Variants in GAS6 observed in about 807,000 individuals in gnomAD.
GAS6 encodes the protein growth arrest specific 6.
A neutral mutation model predicts 75.8 loss-of-function variants in GAS6; 41 were observed. The observed-to-expected ratio is 0.54, with a 90% CI of 0.42 to 0.70. GAS6 has a LOEUF of 0.70. Ranked by LOEUF, GAS6 falls within the 30% of genes least tolerant of loss-of-function variation. The pLI, the probability that GAS6 is intolerant of heterozygous loss-of-function variation, is 0.00. For synonymous variants in GAS6, 432 were observed against 412.6 expected, an observed-to-expected ratio of 1.05 and a Z score of -0.57; for missense variants, 854 against 940.2, an observed-to-expected ratio of 0.91 and a Z score of 1.20.
chr13:113,852,238 C>T (rs2051881776), intron 2 of GAS6, among the ~76,000 whole-genome samples: 2 of 152,214 alleles, frequency 1.3e-5, no homozygotes, highest in African/African-American at 4.8e-5. Context: ...TTATGTGTGG[C>T]CCAAGACAGT....
chr13:113,842,933 C>T lies in GAS6; in HGVS notation c.344-3083G>A, dbSNP rs371998370. The stretch of plus-strand genomic sequence containing the variant: ...TCCTGCCAGGTGCCCAGCTCTTAAG[C>T]GGTCCCCAGACTCATGCCACCTGCC... On this transcript the variant is annotated intron_variant, in intron 4 of 14. Transcript: ENST00000327773. The T allele has an allele frequency of 4.5e-5, 18 of 396,582 alleles. 3 individuals carry two copies. The highest frequency in any genetic ancestry group is 2.8e-4 in the African/African-American group (13 of 47,106). 24.6% of individuals were successfully genotyped at this position (396,582 alleles called of 1,614,324 possible). A position where few individuals can be genotyped will look rare whatever the true frequency, so the allele number is the denominator to read the frequency against.
intron 9 of GAS6, 54 bp from the exon 10 acceptor site, chr13:113,832,542 C>T: frequency 6.3e-7 from 1 of 1,596,246 alleles, no homozygotes; most frequent in Non-Finnish European, 8.6e-7. Flanking sequence ...GATGCCCGGC[C>T]CCTCCCTGCT....
At chr13:113,847,883 T>C (rs1365221990) in intron 3 of GAS6, 143 bp downstream of exon 3, 2 of 770,094 alleles carry the variant, frequency 2.6e-6, no homozygotes, top group East Asian at 2.5e-5. Flanking sequence ...CTGACCTGCA[T>C]GTTCCGGACA....
At position 113,832,676 on chromosome 13, in the gene GAS6, G is replaced by A; in HGVS notation, c.911C>T (p.Thr304Ile). 2 of 1,612,814 alleles carry A rather than the reference G, an allele frequency of 1.2e-6. No homozygotes were observed. Among genetic ancestry groups the A allele is most frequent in the Non-Finnish European group, 1.7e-6 (2 of 1,179,978 alleles). ...SLYLGRMFSG[T>I]PVIRLRFKRL... ...CTTGAAGCGCAGTCGGATCACGGGGGTCCCACTGAACATCCGGCCCAGGTA... is the reference window on the plus strand; with the variant it reads ...CTTGAAGCGCAGTCGGATCACGGGGATCCCACTGAACATCCGGCCCAGGTA... The change falls in exon 9 of 15, where the codon ACC (threonine) becomes ATC (isoleucine). Residue 304 changes from threonine to isoleucine, a missense_variant. By Grantham distance (89) the Thr-to-Ile change is moderately conservative. Coordinates refer to ENST00000327773, the MANE Select transcript of GAS6 (RefSeq NM_000820.4).
chr13:113,830,873 C>T (rs1247438405), intron 10 of GAS6, among the ~76,000 whole-genome samples: 1 of 152,226 alleles, frequency 6.6e-6, no homozygotes, highest in African/African-American at 2.4e-5. Flanking sequence ...GGGGCTCCAT[C>T]CCTGAAACTG....
chr13:113,856,023 C>A (rs1421787136), intron 2 of GAS6, among the ~76,000 whole-genome samples: 2 of 152,190 alleles, frequency 1.3e-5, no homozygotes, highest in Non-Finnish European at 2.9e-5. Flanking sequence ...CAGGTTGGTG[C>A]CTTCCTCTGG....
intron 3 of GAS6, chr13:113,847,021 A>G (rs1324701733): frequency 3.9e-6 from 2 of 507,966 alleles, no homozygotes; most frequent in South Asian, 1.5e-5. Flanking sequence ...CTGGCTGAAC[A>G]CAGCTTGACA....
chr13:113,860,346 C>T (rs2051961338), intron 2 of GAS6, among the ~76,000 whole-genome samples: 1 of 152,182 alleles, frequency 6.6e-6, no homozygotes, highest in Admixed American at 6.5e-5. Context: ...GGAACCACAG[C>T]CTGGATGATT....
chr13:113,837,927 T>C lies in GAS6; in HGVS notation c.589+142A>G, dbSNP rs1445282949. 2.1e-6 allele frequency: 2 copies of C among 962,344 alleles called. No individual in the cohort carries two copies. The highest frequency in any genetic ancestry group is 2.5e-5 in the East Asian group (1 of 40,108). 59.6% of individuals were successfully genotyped at this position (962,344 alleles called of 1,614,324 possible). A position where few individuals can be genotyped will look rare whatever the true frequency, so the allele number is the denominator to read the frequency against. ...CCCTGTGCTGCGGCTGGCCTGGGCT[T>C]GTGTAGTCTCTGCAGGATGCCCCAT... is the stretch of plus-strand genomic sequence containing the variant. On this transcript the variant is annotated intron_variant, in intron 6 of 14. Coordinates refer to ENST00000327773, the MANE Select transcript of GAS6 (RefSeq NM_000820.4). The surrounding 1 kb of genome is among the most constrained non-coding windows in gnomAD (Gnocchi z 5.1).
At chr13:113,834,461 G>T in intron 8 of GAS6, 90 bp downstream of exon 8, 1 of 1,312,850 alleles carries the variant, frequency 7.6e-7, no homozygotes, top group Non-Finnish European at 1.0e-6. Flanking sequence ...CAAAGGCCAG[G>T]TCTTCACGGA....
rs112823046 is a variant in GAS6 at position 113,844,288 on chromosome 13, C to T, written c.343+2239G>A. The T allele has an allele frequency of 0.015, 2,274 of 150,864 alleles. 95 individuals carry two copies. Among genetic ancestry groups the T allele is most frequent in the South Asian group, 0.1 (485 of 4,816 alleles). The allele number at this position is 150,864 out of a possible 1,614,324, so 9.3% of individuals were successfully genotyped here. A position where few individuals can be genotyped will look rare whatever the true frequency, so the allele number is the denominator to read the frequency against. ...CTCCCCAGCTGGCCGCACTTGGGGA[C>T]GCTGATGCCACAAAGGAAATAACCA... On this transcript the variant is annotated intron_variant, in intron 4 of 14. Coordinates refer to ENST00000327773, the MANE Select transcript of GAS6 (RefSeq NM_000820.4). The surrounding 1 kb of genome is among the most constrained non-coding windows in gnomAD (Gnocchi z 5.7).
intron 2 of GAS6, among the ~76,000 whole-genome samples, chr13:113,850,074 A>G (rs1314944354): frequency 6.6e-6 from 1 of 152,208 alleles, no homozygotes; most frequent in Non-Finnish European, 1.5e-5. Flanking sequence ...CTCCTGAGAT[A>G]AAGACATTTC....
intron 4 of GAS6, chr13:113,842,010 T>TCAGTTTCCTCCATACGCCC (rs1364469635): frequency 7.8e-5 from 7 of 89,456 alleles, no homozygotes; most frequent in African/African-American, 2.9e-4. Context: ...TCCATATGCC[T>TCAGTTTCCTCCATACGCCC]CAGTTTCCTC....
In GAS6 at chr13:113,845,459, G is replaced by A. The variant is rs575510080; in HGVS notation, c.343+1068C>T. 2.0e-5 allele frequency: 3 copies of A among 150,326 alleles called. No homozygotes were observed. The highest frequency in any genetic ancestry group is 2.0e-4 in the Admixed American group (3 of 15,226). The allele number at this position is 150,326 out of a possible 1,614,324, so 9.3% of individuals were successfully genotyped here. A position where few individuals can be genotyped will look rare whatever the true frequency, so the allele number is the denominator to read the frequency against. ...TCATCTAAAACTAGACACACGTGAC[G>A]CCAGCGGACCACAGACCCAGTGCAA... is the stretch of plus-strand genomic sequence containing the variant. On this transcript the variant is annotated intron_variant, in intron 4 of 14. Coordinates refer to ENST00000327773, the MANE Select transcript of GAS6 (RefSeq NM_000820.4). The surrounding 1 kb of genome is among the most constrained non-coding windows in gnomAD (Gnocchi z 4.3).
intron 12 of GAS6, among the ~76,000 whole-genome samples, chr13:113,824,256 C>G (rs200360926): frequency 1.6e-4 from 8 of 49,072 alleles, no homozygotes; most frequent in African/African-American, 7.2e-4. Flanking sequence ...TCAGGAGCAC[C>G]CGCGGTCTGG....
At position 113,828,653 on chromosome 13, in the gene GAS6, A is replaced by G; in HGVS notation, c.1202T>C (p.Met401Thr). ...CAAGTCCCCGGCCACCGCGATTTTC[A>G]TGACAGCATCCCTGTTGACCTTGAT... ...LVIKVNRDAV[M>T]KIAVAGDLFQ... Residue 401 changes from methionine to threonine, a missense_variant, in exon 11 of 15, where the codon ATG (methionine) becomes ACG (threonine). Met to Thr is a moderately conservative substitution (Grantham distance 81, BLOSUM62 -1). Transcript: ENST00000327773. 1 of 1,613,616 alleles carries G rather than the reference A, an allele frequency of 6.2e-7. No homozygotes were observed. The highest frequency in any genetic ancestry group is 1.7e-5 in the Admixed American group (1 of 60,022).
chr13:113,850,963 G>A (rs2051868490), intron 2 of GAS6, among the ~76,000 whole-genome samples: 1 of 152,160 alleles, frequency 6.6e-6, no homozygotes, highest in Admixed American at 6.5e-5. Context: ...GGATGGATAA[G>A]TGAGTGGATG....
At chr13:113,851,813 C>CA (rs910692992) in intron 2 of GAS6, among the ~76,000 whole-genome samples, 3 of 152,210 alleles carry the variant, frequency 2.0e-5, no homozygotes, top group African/African-American at 7.2e-5. Context: ...CAGTCTGTTT[C>CA]TTTTAATAAT....
chr13:113,821,127 G>A, intron 14 of GAS6, 109 bp from the exon 15 acceptor site: 2 of 1,195,934 alleles, frequency 1.7e-6, no homozygotes, highest in Non-Finnish European at 2.4e-6. Context: ...CCCTCCGAAA[G>A]GGCAGGGTTT....
Sources: allele counts gnomAD v4.1 joint callset (sites outside exome capture counted in the v4.1 genomes callset), GRCh38; gene constraint gnomAD v4.1.1; non-coding constraint Gnocchi (gnomAD v3.1); transcripts MANE v1.5; gene names NCBI Gene and HGNC (gene_info 2026-07-23, HGNC 2026-07-21).